Variants in POT1 observed in about 807,000 individuals in gnomAD.
The protein encoded by POT1 is protection of telomeres protein 1.
POT1 carries 47 observed loss-of-function variants against 78.5 expected under a neutral mutation model. That is an observed-to-expected ratio of 0.60 (90% confidence interval 0.47 to 0.76). The LOEUF (loss-of-function observed/expected upper bound fraction) is 0.76. Among genes scored for constraint, POT1 ranks in the 30% least tolerant of loss-of-function variants. The pLI is 0.00. For missense variants in POT1, 646 were observed against 749.9 expected (o/e 0.86, Z 1.62); for synonymous variants, 259 against 260.7 (o/e 0.99, Z 0.06).
intron 9 of POT1, 38 bp downstream of exon 9, chr7:124,858,919 A>G: frequency 6.7e-7 from 1 of 1,488,580 alleles, no homozygotes; most frequent in South Asian, 1.4e-5. Context: ...TATAATTTAT[A>G]AAAACATAAA....
chr7:124,841,581 G>A (rs4731222), intron 13 of POT1, among the ~76,000 whole-genome samples: 60,483 of 151,582 alleles, frequency 0.4, 12,196 homozygotes, highest in East Asian at 0.5. Flanking sequence ...CACTTAGGGA[G>A]AAGGGCACTT....
chr7:124,890,155 C>A (rs2116623771), intron 6 of POT1, among the ~76,000 whole-genome samples: 1 of 152,002 alleles, frequency 6.6e-6, no homozygotes, highest in East Asian at 1.9e-4. Flanking sequence ...AAGTTAATTC[C>A]AACCCTCACA....
intron 3 of POT1, among the ~76,000 whole-genome samples, chr7:124,914,950 T>A (rs1293504966): frequency 2.6e-5 from 4 of 152,218 alleles, no homozygotes; most frequent in Non-Finnish European, 5.9e-5. Context: ...AATTTATTTC[T>A]CATAACTCCC....
At chr7:124,907,962 A>G (rs549579935) in intron 3 of POT1, among the ~76,000 whole-genome samples, 2 of 152,180 alleles carry the variant, frequency 1.3e-5, no homozygotes, top group South Asian at 4.1e-4. Flanking sequence ...AAATAAGCAA[A>G]TCAACAGGCA....
At chr7:124,918,873 G>A (rs1584529140) in intron 2 of POT1, among the ~76,000 whole-genome samples, 1 of 152,094 alleles carries the variant, frequency 6.6e-6, no homozygotes, top group Non-Finnish European at 1.5e-5. Flanking sequence ...CTCTCTGAGA[G>A]TACAAGAAAT....
At chr7:124,882,896 C>A (rs1796151511) in intron 6 of POT1, among the ~76,000 whole-genome samples, 1 of 151,846 alleles carries the variant, frequency 6.6e-6, no homozygotes, top group Non-Finnish European at 1.5e-5. Context: ...TGAGAAATAG[C>A]AAAAAATAAA....
intron 7 of POT1, among the ~76,000 whole-genome samples, chr7:124,864,620 C>T (rs1208769345): frequency 6.6e-6 from 1 of 152,102 alleles, no homozygotes; most frequent in Non-Finnish European, 1.5e-5. Context: ...TTAATGTCCA[C>T]TTGGAATCAA....
At chr7:124,910,084 T>C (rs571194586) in intron 3 of POT1, among the ~76,000 whole-genome samples, 17 of 151,922 alleles carry the variant, frequency 1.1e-4, no homozygotes, top group Middle Eastern at 3.4e-3. Context: ...TGCACATATA[T>C]AGACACACAT....
At chr7:124,876,545 T>C (rs1010237804) in intron 6 of POT1, among the ~76,000 whole-genome samples, 3 of 152,206 alleles carry the variant, frequency 2.0e-5, no homozygotes, top group African/African-American at 7.2e-5. Flanking sequence ...ATCCTCTTTA[T>C]GGATATCTGG....
chr7:124,901,644 C>T (rs974279396), intron 3 of POT1, among the ~76,000 whole-genome samples: 4 of 152,272 alleles, frequency 2.6e-5, no homozygotes, highest in East Asian at 1.9e-4. Context: ...CACAGCTCCT[C>T]GCCAGCAATG....
chr7:124,913,189 T>C (rs1345363015), intron 3 of POT1, among the ~76,000 whole-genome samples: 1 of 152,140 alleles, frequency 6.6e-6, no homozygotes, highest in African/African-American at 2.4e-5. Flanking sequence ...CCATGACACA[T>C]GGGAATTGTG....
chr7:124,866,379 CCTGA>C (rs1287503221), intron 7 of POT1, among the ~76,000 whole-genome samples: 2 of 152,054 alleles, frequency 1.3e-5, no homozygotes, highest in Admixed American at 6.6e-5. Context: ...GTTATTTGTC[CCTGA>C]CTATCTTGGA....
chr7:124,897,414 T>A (rs943990426), intron 4 of POT1, among the ~76,000 whole-genome samples: 4 of 151,612 alleles, frequency 2.6e-5, no homozygotes, highest in African/African-American at 9.7e-5. Flanking sequence ...GGCAAAGATA[T>A]AAGGTCAAAT....
chr7:124,890,800 G>A (rs1282009400), intron 6 of POT1, among the ~76,000 whole-genome samples: 1 of 151,818 alleles, frequency 6.6e-6, no homozygotes, highest in African/African-American at 2.4e-5. Context: ...GCTCAAGAGT[G>A]TATTGTTTAA....
intron 6 of POT1, among the ~76,000 whole-genome samples, chr7:124,871,357 A>G (rs1795863281): frequency 6.6e-6 from 1 of 152,100 alleles, no homozygotes; most frequent in South Asian, 2.1e-4. Context: ...ATGTAGTCAA[A>G]TAAGAAAAAT....
intron 5 of POT1, among the ~76,000 whole-genome samples, chr7:124,893,665 T>C (rs1437677238): frequency 2.0e-5 from 3 of 151,546 alleles, no homozygotes; most frequent in Non-Finnish European, 4.4e-5. Context: ...ACATTCATCA[T>C]ACTAACTCCA....
chr7:124,841,199 A>G (rs200898211), intron 13 of POT1, 21 bp from the exon 14 acceptor site: 1 of 1,585,474 alleles, frequency 6.3e-7, no homozygotes, highest in Admixed American at 1.7e-5. Context: ...TGGCAATGAA[A>G]TGATAGAAAT....
chr7:124,867,442 CTGCCCA>C (rs1433698847), intron 7 of POT1, among the ~76,000 whole-genome samples: 1 of 152,122 alleles, frequency 6.6e-6, no homozygotes, highest in African/African-American at 2.4e-5. Context: ...TCCCCCATGG[CTGCCCA>C]TGCTGGTCTT....
At chr7:124,902,564 C>G (rs1301945994) in intron 3 of POT1, among the ~76,000 whole-genome samples, 1 of 152,148 alleles carries the variant, frequency 6.6e-6, no homozygotes, top group Non-Finnish European at 1.5e-5. Context: ...CCAGCCAATG[C>G]AAAAACATGC....
Sources: gnomAD v4.1 joint callset for allele counts (sites outside exome capture counted in the v4.1 genomes callset) on GRCh38, gnomAD v4.1.1 for gene constraint, MANE v1.5 for transcripts, NCBI Gene and HGNC (gene_info 2026-07-23, HGNC 2026-07-21) for gene names.